The following RBP2 variants were observed in gnomAD, a reference collection of about 807,000 sequenced individuals.
RBP2 encodes retinol-binding protein 2.
RBP2 carries 17 observed loss-of-function variants against 17.0 expected under a neutral mutation model. The ratio of observed to expected loss-of-function variants is 1.00; its 90% CI spans 0.68 to 1.50. The LOEUF is 1.50. Ranked by LOEUF, RBP2 falls within the 40% of genes most tolerant of loss-of-function variation. The pLI, the probability that RBP2 is intolerant of heterozygous loss-of-function variation, is 0.00. For missense variants in RBP2, 158 were observed against 168.2 expected (o/e 0.94, Z 0.33); for synonymous variants, 48 against 57.1 (o/e 0.84, Z 0.72).
chr3:139,472,693 T>C (rs1008898256), intron 1 of RBP2, among the ~76,000 whole-genome samples: 4 of 152,212 alleles, frequency 2.6e-5, no homozygotes, highest in Non-Finnish European at 4.4e-5. Context: ...TGAAAGACTT[T>C]GAGCAGGAAC....
chr3:139,470,525 C>A (rs1488743661), intron 1 of RBP2, among the ~76,000 whole-genome samples: 9 of 151,902 alleles, frequency 5.9e-5, no homozygotes, highest in Non-Finnish European at 1.3e-4. Context: ...TTAAAGAATA[C>A]AAAGAGGATT....
intron 1 of RBP2, among the ~76,000 whole-genome samples, chr3:139,468,404 A>G (rs1384280584): frequency 6.6e-6 from 1 of 152,226 alleles, no homozygotes; most frequent in Non-Finnish European, 1.5e-5. Flanking sequence ...TTGTCCTGGA[A>G]ACACCATCCC....
At position 139,462,658 on chromosome 3, in the gene RBP2, A is replaced by G. The variant is rs182344027; in HGVS notation, c.74-368T>C. Among the ~76,000 whole-genome samples, 7 of 152,012 alleles carry G rather than the reference A, an allele frequency of 4.6e-5. No homozygotes were observed. The East Asian group carries it at 9.7e-4, about 21-fold the overall frequency. On this transcript the variant is annotated intron_variant, in intron 1 of 3. Transcript: ENST00000232217. The stretch of plus-strand genomic sequence containing the variant: ...CATCCTCCTAAGAGTTTGCTGAACA[A>G]AAAGATCTCATGATTTAAAAGAAAA...
chr3:139,461,806 G>T (rs572970492), intron 2 of RBP2, among the ~76,000 whole-genome samples: 14 of 152,264 alleles, frequency 9.2e-5, no homozygotes, highest in African/African-American at 2.4e-4. Context: ...GCAGGTGCAG[G>T]TGCTGTCCCT....
chr3:139,453,020 A>G lies in RBP2; in HGVS notation c.*96T>C, dbSNP rs1943338619. The G allele has an allele frequency of 7.0e-7, 1 of 1,420,468 alleles. No homozygotes were observed. The highest frequency in any genetic ancestry group is 1.4e-5 in the African/African-American group (1 of 71,352). The allele number at this position is 1,420,468 out of a possible 1,614,324, so 88.0% of individuals were successfully genotyped here. Reference sequence around the variant, plus strand: ...CAGATGCCTTAATGGGGCTCTGTCAAGAGTGGGAAGGTCCCCACAGCTGTT... The same window carrying G: ...CAGATGCCTTAATGGGGCTCTGTCAGGAGTGGGAAGGTCCCCACAGCTGTT... On this transcript the variant is annotated 3_prime_UTR_variant, in exon 4 of 4. Coordinates refer to ENST00000232217, the MANE Select transcript of RBP2 (RefSeq NM_004164.3).
chr3:139,475,900 C>T (rs1933722335), intron 1 of RBP2, among the ~76,000 whole-genome samples: 1 of 152,224 alleles, frequency 6.6e-6, no homozygotes, highest in South Asian at 2.1e-4. Flanking sequence ...ACAACAGCCT[C>T]TCTAGGCTTC....
intron 1 of RBP2, among the ~76,000 whole-genome samples, chr3:139,473,452 T>G (rs138571712): frequency 1.3e-5 from 2 of 152,312 alleles, no homozygotes; most frequent in African/African-American, 4.8e-5. Context: ...GCAAACTCTC[T>G]AGTGCTAGGG....
intron 1 of RBP2, among the ~76,000 whole-genome samples, chr3:139,467,388 G>T (rs1933401798): frequency 6.6e-6 from 1 of 152,144 alleles, no homozygotes; most frequent in Non-Finnish European, 1.5e-5. Context: ...TATAAAGTAG[G>T]AGCTCTGTTG....
intron 1 of RBP2, among the ~76,000 whole-genome samples, chr3:139,469,921 C>A (rs1008717601): frequency 3.3e-5 from 5 of 152,120 alleles, no homozygotes; most frequent in Non-Finnish European, 7.4e-5. Flanking sequence ...GTGTTAGAAG[C>A]AGATAGCCTG....
chr3:139,453,609 G>A (rs545611123), intron 3 of RBP2, among the ~76,000 whole-genome samples: 3 of 152,332 alleles, frequency 2.0e-5, no homozygotes, highest in South Asian at 2.1e-4. Context: ...TGGTGGTGGC[G>A]CAGGTACCCG....
chr3:139,475,049 C>T (rs1163776000), intron 1 of RBP2, among the ~76,000 whole-genome samples: 8 of 151,962 alleles, frequency 5.3e-5, no homozygotes, highest in Admixed American at 1.3e-4. Flanking sequence ...AGGCCGGGTG[C>T]GGTGGCTCAC....
chr3:139,473,066 T>A (rs1248446459), intron 1 of RBP2, among the ~76,000 whole-genome samples: 1 of 152,190 alleles, frequency 6.6e-6, no homozygotes, highest in East Asian at 1.9e-4. Context: ...CATTCCTTCA[T>A]CGCCTGATCT....
At chr3:139,474,017 A>G (rs139537036) in intron 1 of RBP2, among the ~76,000 whole-genome samples, 1 of 152,168 alleles carries the variant, frequency 6.6e-6, no homozygotes, top group Admixed American at 6.5e-5. Flanking sequence ...TCAGCCTAAC[A>G]CTCTACACTG....
At chr3:139,454,909 C>T in intron 2 of RBP2, 79 bp from the exon 3 acceptor site, 1 of 1,364,104 alleles carries the variant, frequency 7.3e-7, no homozygotes, top group Non-Finnish European at 1.0e-6. Context: ...GCTGCAATTC[C>T]TGCAGCCATT....
chr3:139,459,835 T>TGTGTGA (rs1933126041), intron 2 of RBP2, among the ~76,000 whole-genome samples: 1 of 121,852 alleles, frequency 8.2e-6, no homozygotes, highest in Non-Finnish European at 1.8e-5. Context: ...TGTGTGTGAG[T>TGTGTGA]GTGTGTGTGT....
intron 3 of RBP2, 138 bp downstream of exon 3, chr3:139,454,591 A>T (rs1943363166): frequency 2.8e-6 from 2 of 710,062 alleles, no homozygotes; most frequent in African/African-American, 3.5e-5. Flanking sequence ...TGGCTTTCTG[A>T]CTATATGACC....
At chr3:139,475,414 A>T (rs114859351) in intron 1 of RBP2, among the ~76,000 whole-genome samples, 1 of 151,370 alleles carries the variant, frequency 6.6e-6, no homozygotes, top group African/African-American at 2.4e-5. Flanking sequence ...TTTCATTGAC[A>T]TGGTGGACAT....
At chr3:139,461,900 A>G (rs1933202609) in intron 2 of RBP2, among the ~76,000 whole-genome samples, 1 of 152,206 alleles carries the variant, frequency 6.6e-6, no homozygotes, top group Non-Finnish European at 1.5e-5. Flanking sequence ...GCCCTGGATC[A>G]TGGAGAGGTT....
At chr3:139,454,684 T>C in intron 3 of RBP2, 45 bp downstream of exon 3, 1 of 1,578,290 alleles carries the variant, frequency 6.3e-7, no homozygotes, top group South Asian at 1.1e-5. Flanking sequence ...CACAGTAGCG[T>C]GTGTAAGCAC....
Sources: gnomAD v4.1 joint callset for allele counts (sites outside exome capture counted in the v4.1 genomes callset) on GRCh38, gnomAD v4.1.1 for gene constraint, MANE v1.5 for transcripts, NCBI Gene and HGNC (gene_info 2026-07-23, HGNC 2026-07-21) for gene names.